Variants in ROR1 observed in about 807,000 individuals in gnomAD.
ROR1 encodes ROR family WNT receptor 1.
Under a neutral mutation model 78.8 loss-of-function variants are expected in ROR1, and 19 were observed. That is an observed-to-expected ratio of 0.24 (90% CI 0.17 to 0.35). ROR1 has a LOEUF of 0.35. Among genes scored for constraint, ROR1 ranks in the 10% least tolerant of loss-of-function variants. ROR1 has a pLI of 1.00. For missense variants in ROR1, 917 were observed against 1,177.8 expected (o/e 0.78, Z 3.24); for synonymous variants, 386 against 433.6 (o/e 0.89, Z 1.36).
chr1:63,774,571 G>C lies in ROR1; in HGVS notation c.91+63G>C, dbSNP rs1394799900. The C allele has an allele frequency of 1.6e-5, 13 of 835,774 alleles. No individual in the cohort carries two copies. Among genetic ancestry groups the C allele is most frequent in the African/African-American group, 1.9e-5 (1 of 52,688 alleles). 51.8% of individuals were successfully genotyped at this position (835,774 alleles called of 1,614,324 possible). A position where few individuals can be genotyped will look rare whatever the true frequency, so the allele number is the denominator to read the frequency against. On this transcript the variant is annotated intron_variant, in intron 1 of 8. Transcript: ENST00000371079. The surrounding 1 kb of genome is among the most constrained non-coding windows in gnomAD (Gnocchi z 5.7). The stretch of plus-strand genomic sequence containing the variant: ...CCTGACCCGTGGCCACCCTTCCGCC[G>C]TCCAGCCGGGCGCGGGACACGCAGG...
Position 63,984,927 on chromosome 1 carries a change from T to G in ROR1, c.92-24378T>G, listed in dbSNP as rs1165062912. Among the ~76,000 whole-genome samples the G allele has an allele frequency of 2.0e-5, 3 of 152,220 alleles. 1 individual carries two copies. The highest frequency in any genetic ancestry group is 4.4e-5 in the Non-Finnish European group (3 of 68,034). ...ATTAAATGCCAAACAGTTTGTTGTT[T>G]AATGGAAATCTTTCCTAATGGATTA... On this transcript the variant is annotated intron_variant, in intron 1 of 8. Coordinates refer to ENST00000371079, the MANE Select transcript of ROR1 (RefSeq NM_005012.4).
At chr1:63,999,508 A>G (rs1646366070) in intron 1 of ROR1, among the ~76,000 whole-genome samples, 1 of 152,178 alleles carries the variant, frequency 6.6e-6, no homozygotes, top group African/African-American at 2.4e-5. Context: ...TGTCCTTCCC[A>G]GGCCCCTATT....
At chr1:63,928,987 C>A (rs751628159) in intron 1 of ROR1, among the ~76,000 whole-genome samples, 2 of 152,112 alleles carry the variant, frequency 1.3e-5, no homozygotes, top group Non-Finnish European at 2.9e-5. Context: ...GAAATTTAAC[C>A]CAGCTGGGGC....
chr1:63,971,250 CT>C (rs1646117850), intron 1 of ROR1, among the ~76,000 whole-genome samples: 1 of 152,110 alleles, frequency 6.6e-6, no homozygotes, highest in African/African-American at 2.4e-5. Context: ...ATTTAAACCC[CT>C]TAGGCCTCAC....
intron 1 of ROR1, among the ~76,000 whole-genome samples, chr1:63,898,739 G>C (rs1364830934): frequency 6.6e-6 from 1 of 152,046 alleles, no homozygotes; most frequent in Non-Finnish European, 1.5e-5. Context: ...GAACACAGGA[G>C]GTTCCTGAGA....
intron 1 of ROR1, among the ~76,000 whole-genome samples, chr1:63,831,788 T>A (rs901614918): frequency 5.3e-5 from 8 of 152,258 alleles, no homozygotes; most frequent in African/African-American, 1.9e-4. Flanking sequence ...AGATTTTTCT[T>A]TTCTACAACA....
At chr1:63,954,106 T>C (rs1645962907) in intron 1 of ROR1, among the ~76,000 whole-genome samples, 1 of 152,162 alleles carries the variant, frequency 6.6e-6, no homozygotes, top group South Asian at 2.1e-4. Context: ...TAACAAAGAC[T>C]CCCAGATAAC....
chr1:63,908,764 G>A (rs1244243625), intron 1 of ROR1, among the ~76,000 whole-genome samples: 5 of 152,314 alleles, frequency 3.3e-5, no homozygotes, highest in Middle Eastern at 6.8e-3. Context: ...GGGGAAAACT[G>A]CAGCTCAGTC....
intron 4 of ROR1, among the ~76,000 whole-genome samples, chr1:64,054,751 G>C (rs920632754): frequency 6.6e-6 from 1 of 152,142 alleles, no homozygotes; most frequent in African/African-American, 2.4e-5. Flanking sequence ...TGGGCTGCTG[G>C]AAAGTATCAC....
At chr1:64,048,586 A>C (rs1646804020) in intron 2 of ROR1, among the ~76,000 whole-genome samples, 1 of 152,240 alleles carries the variant, frequency 6.6e-6, no homozygotes, top group African/African-American at 2.4e-5. Context: ...ACCCATGAAT[A>C]ACAGAGCACG....
chr1:64,143,074 A>C, intron 7 of ROR1: 1 of 1,029,086 alleles, frequency 9.7e-7, no homozygotes, highest in Non-Finnish European at 1.2e-6. Flanking sequence ...TGAATCTACA[A>C]CCATTACTCG....
chr1:63,870,618 T>G (rs1645245301), intron 1 of ROR1, among the ~76,000 whole-genome samples: 1 of 152,198 alleles, frequency 6.6e-6, no homozygotes, highest in Non-Finnish European at 1.5e-5. Context: ...TTTGGTGTAT[T>G]CTGGAATGCT....
At chr1:63,922,438 T>G (rs1645663692) in intron 1 of ROR1, among the ~76,000 whole-genome samples, 1 of 152,180 alleles carries the variant, frequency 6.6e-6, no homozygotes, top group African/African-American at 2.4e-5. Flanking sequence ...CAACCTCTGG[T>G]ATCTGGTTAA....
At chr1:63,893,414 G>C (rs1440867592) in intron 1 of ROR1, among the ~76,000 whole-genome samples, 1 of 151,920 alleles carries the variant, frequency 6.6e-6, no homozygotes, top group Non-Finnish European at 1.5e-5. Flanking sequence ...AAAAGAGGGG[G>C]GTAAAAAAAG....
intron 1 of ROR1, among the ~76,000 whole-genome samples, chr1:63,904,955 G>A (rs964954304): frequency 6.6e-6 from 1 of 152,070 alleles, no homozygotes; most frequent in Non-Finnish European, 1.5e-5. Context: ...ATTTTAACTG[G>A]CTCCTCGTGG....
intron 1 of ROR1, among the ~76,000 whole-genome samples, chr1:63,843,838 T>C (rs1645064070): frequency 6.6e-6 from 1 of 152,186 alleles, no homozygotes; most frequent in Non-Finnish European, 1.5e-5. Context: ...ACTTTTTAGC[T>C]GATTTCCCTA....
intron 1 of ROR1, among the ~76,000 whole-genome samples, chr1:63,899,166 C>G (rs546088413): frequency 1.3e-5 from 2 of 152,234 alleles, no homozygotes; most frequent in East Asian, 3.9e-4. Context: ...TAAGAATACT[C>G]TGTTTACTTT....
rs68153450 is a variant in ROR1 at position 63,860,562 on chromosome 1, TACACACAC to T, written c.91+86090_91+86097del. On this transcript the variant is annotated intron_variant, in intron 1 of 8. Coordinates refer to ENST00000371079, the MANE Select transcript of ROR1 (RefSeq NM_005012.4). Reference sequence around the variant, plus strand: ...GGTAAAACCCCATCTCTACTAAAAATACACACACACACACACACACACACACACACACA... The same window carrying T: ...GGTAAAACCCCATCTCTACTAAAAATACACACACACACACACACACACACA... 5.2e-3 allele frequency among the ~76,000 whole-genome samples: 657 copies of T among 126,590 alleles called. 1 individual carries two copies. Among genetic ancestry groups the T allele is most frequent in the African/African-American group, 0.011 (363 of 32,692 alleles). 83.0% of individuals were successfully genotyped at this position (126,590 alleles called of 152,430 possible). A position where few individuals can be genotyped will look rare whatever the true frequency, so the allele number is the denominator to read the frequency against.
intron 1 of ROR1, among the ~76,000 whole-genome samples, chr1:63,832,421 C>A (rs1187860624): frequency 2.0e-5 from 3 of 152,092 alleles, no homozygotes; most frequent in African/African-American, 7.2e-5. Flanking sequence ...GTGGGGAGGC[C>A]TCAGGAAACT....
Sources: gnomAD v4.1 joint callset for allele counts (sites outside exome capture counted in the v4.1 genomes callset) on GRCh38, gnomAD v4.1.1 for gene constraint, Gnocchi (gnomAD v3.1) non-coding constraint, MANE v1.5 for transcripts, NCBI Gene and HGNC (gene_info 2026-07-23, HGNC 2026-07-21) for gene names.